Variants in DNAJC5B observed in about 807,000 individuals in gnomAD.
The protein encoded by DNAJC5B is DnaJ heat shock protein family (Hsp40) member C5 beta, also known as dnaJ homolog subfamily C member 5B.
In DNAJC5B, 23 loss-of-function variants were observed where a neutral mutation model predicts 24.7. The observed-to-expected ratio is 0.93, with a 90% CI of 0.67 to 1.32. The LOEUF (loss-of-function observed/expected upper bound fraction) is 1.32. Among genes scored for constraint, DNAJC5B ranks in the 40% most tolerant of loss-of-function variants. The pLI is 0.00. For missense variants in DNAJC5B, 238 were observed against 240.8 expected (o/e 0.99, Z 0.08); for synonymous variants, 101 against 90.1 (o/e 1.12, Z -0.68).
intron 5 of DNAJC5B, among the ~76,000 whole-genome samples, chr8:66,089,508 T>G (rs778526410): frequency 6.6e-6 from 1 of 152,238 alleles, no homozygotes; most frequent in Non-Finnish European, 1.5e-5. Context: ...GAAATATTTT[T>G]CACCTGCCTT....
In DNAJC5B at chr8:66,046,033, T is replaced by C. The variant is rs192380914; in HGVS notation, c.-18+2422T>C. Among the ~76,000 whole-genome samples, 374 of 152,226 alleles carry C rather than the reference T, an allele frequency of 2.5e-3. 5 individuals are homozygous for C. Among genetic ancestry groups the C allele is most frequent in the Admixed American group, 0.019 (294 of 15,288 alleles). On this transcript the variant is annotated intron_variant, in intron 2 of 5. Transcript: ENST00000276570. ...TGGGAATGGAGAGGTGGTAGGAGCATGTTTAACAAGACTAGAAACGCTCAG... is the reference window on the plus strand; with the variant it reads ...TGGGAATGGAGAGGTGGTAGGAGCACGTTTAACAAGACTAGAAACGCTCAG...
chr8:66,058,771 A>T (rs11995009), intron 3 of DNAJC5B, among the ~76,000 whole-genome samples: 3,026 of 152,328 alleles, frequency 0.02, 105 homozygotes, highest in African/African-American at 0.069. Flanking sequence ...TAGTCAGCTG[A>T]TAAAATGGAG....
chr8:66,084,533 C>T (rs184809793), intron 5 of DNAJC5B, among the ~76,000 whole-genome samples: 2 of 152,252 alleles, frequency 1.3e-5, no homozygotes, highest in Admixed American at 1.3e-4. Flanking sequence ...AATCAACCCT[C>T]ACCTCTGCAT....
chr8:66,077,595 C>T (rs1807496025), intron 4 of DNAJC5B, among the ~76,000 whole-genome samples: 1 of 152,152 alleles, frequency 6.6e-6, no homozygotes, highest in Admixed American at 6.5e-5. Flanking sequence ...TATGTTTACA[C>T]ATGGGTCATA....
intron 5 of DNAJC5B, among the ~76,000 whole-genome samples, chr8:66,095,658 G>GAC (rs10566337): frequency 0.26 from 38,134 of 146,532 alleles, 4,945 homozygotes; most frequent in South Asian, 0.35. Context: ...ACTTTAGCTT[G>GAC]ACACACACAC....
chr8:66,018,845 TC>T (rs1353579183), upstream of DNAJC5B, among the ~76,000 whole-genome samples: 1 of 152,110 alleles, frequency 6.6e-6, no homozygotes, highest in Non-Finnish European at 1.5e-5. Flanking sequence ...AATTAGCATT[TC>T]CCCCCACAAA....
At position 66,099,376 on chromosome 8, in the gene DNAJC5B, T is replaced by C. The variant is rs1453874046; in HGVS notation, c.506-561T>C. On this transcript the variant is annotated intron_variant, in intron 5 of 5. Transcript: ENST00000276570. ...CTCTCTGTAGATTTAGGAGTAGATT[T>C]AGTGATTTTAGAGAAAGCATAACCA... 2.6e-5 allele frequency among the ~76,000 whole-genome samples: 4 copies of C among 152,304 alleles called. No individual in the cohort carries two copies. The East Asian group carries it at 7.7e-4, about 29-fold the overall frequency.
chr8:66,075,639 T>C (rs1335690479), intron 3 of DNAJC5B, among the ~76,000 whole-genome samples: 3 of 152,158 alleles, frequency 2.0e-5, no homozygotes, highest in African/African-American at 4.8e-5. Flanking sequence ...GAACCATCAT[T>C]GTTTGATTTT....
intron 5 of DNAJC5B, among the ~76,000 whole-genome samples, chr8:66,094,959 CAT>C (rs1220762309): frequency 6.6e-6 from 1 of 152,056 alleles, no homozygotes; most frequent in Non-Finnish European, 1.5e-5. Flanking sequence ...TTAAATTCAG[CAT>C]AGTCTTCATG....
intron 1 of DNAJC5B, among the ~76,000 whole-genome samples, chr8:66,026,407 A>T (rs1563583304): frequency 6.6e-6 from 1 of 152,216 alleles, no homozygotes; most frequent in Non-Finnish European, 1.5e-5. Flanking sequence ...AAACTTTTGA[A>T]ATGTTTTCTC....
chr8:66,041,797 C>T (rs1425661464), intron 1 of DNAJC5B, among the ~76,000 whole-genome samples: 1 of 152,184 alleles, frequency 6.6e-6, no homozygotes, highest in Non-Finnish European at 1.5e-5. Context: ...GGAATATGAT[C>T]CCATTGATCT....
chr8:66,016,423 C>T, the DNAJC5B span, among the ~76,000 whole-genome samples: 18 of 152,128 alleles, frequency 1.2e-4, no homozygotes, highest in Non-Finnish European at 2.4e-4. Context: ...TGCTCCCACT[C>T]GCTCCGTTCT....
chr8:66,095,352 A>T (rs1337442780), intron 5 of DNAJC5B, among the ~76,000 whole-genome samples: 1 of 151,978 alleles, frequency 6.6e-6, no homozygotes, highest in Non-Finnish European at 1.5e-5. Flanking sequence ...CATCTATAGT[A>T]TCTGCATGAT....
At chr8:66,045,907 C>T (rs1469685149) in intron 2 of DNAJC5B, among the ~76,000 whole-genome samples, 1 of 152,202 alleles carries the variant, frequency 6.6e-6, no homozygotes, top group Non-Finnish European at 1.5e-5. Flanking sequence ...GCTTTGCTCA[C>T]AGACATTGGT....
At chr8:66,083,616 C>T (rs983145589) in intron 5 of DNAJC5B, among the ~76,000 whole-genome samples, 2 of 152,194 alleles carry the variant, frequency 1.3e-5, no homozygotes, top group Admixed American at 1.3e-4. Flanking sequence ...TGGACACATT[C>T]ACATTTTGTA....
chr8:66,059,695 G>T (rs751066027), intron 3 of DNAJC5B, among the ~76,000 whole-genome samples: 2 of 152,302 alleles, frequency 1.3e-5, no homozygotes, highest in South Asian at 4.1e-4. Flanking sequence ...CTCCCAGGGC[G>T]TGGGAGGCAG....
chr8:66,018,029 C>G (rs1006682303), upstream of DNAJC5B, among the ~76,000 whole-genome samples: 3 of 152,174 alleles, frequency 2.0e-5, no homozygotes, highest in Non-Finnish European at 2.9e-5. Flanking sequence ...AGAGCGTACT[C>G]AATACTGTAC....
chr8:66,084,685 G>A (rs1218298549), intron 5 of DNAJC5B, among the ~76,000 whole-genome samples: 2 of 152,078 alleles, frequency 1.3e-5, no homozygotes, highest in Non-Finnish European at 2.9e-5. Flanking sequence ...TCCACCCTCA[G>A]GCACCACTCA....
chr8:66,053,209 G>A (rs913356777), intron 3 of DNAJC5B, among the ~76,000 whole-genome samples: 3 of 152,196 alleles, frequency 2.0e-5, no homozygotes, highest in African/African-American at 7.2e-5. Context: ...AGTGCCAGGA[G>A]AGCTTTGACA....
Sources: gnomAD v4.1 joint callset for allele counts (sites outside exome capture counted in the v4.1 genomes callset) on GRCh38, gnomAD v4.1.1 for gene constraint, MANE v1.5 for transcripts, NCBI Gene and HGNC (gene_info 2026-07-23, HGNC 2026-07-21) for gene names.